The following PRKN variants were observed in gnomAD, a reference collection of about 807,000 sequenced individuals.
The protein encoded by PRKN is parkin RBR E3 ubiquitin protein ligase.
A neutral mutation model predicts 59.5 loss-of-function variants in PRKN; 56 were observed. The observed-to-expected ratio is 0.94, with a 90% CI of 0.76 to 1.18. PRKN has a LOEUF of 1.18. Ranked by LOEUF, PRKN falls within the 50% of genes most tolerant of loss-of-function variation. The pLI is 0.00. For missense variants in PRKN, 657 were observed against 596.4 expected (o/e 1.10, Z -1.06); for synonymous variants, 250 against 222.1 (o/e 1.13, Z -1.12).
chr6:161,513,326 C>T (rs1347064277), intron 9 of PRKN, among the ~76,000 whole-genome samples: 1 of 152,090 alleles, frequency 6.6e-6, no homozygotes, highest in African/African-American at 2.4e-5. Flanking sequence ...CTGCAACCTC[C>T]GCCCCCCGGG....
chr6:162,647,137 A>G (rs1778214494), intron 1 of PRKN, among the ~76,000 whole-genome samples: 1 of 152,060 alleles, frequency 6.6e-6, no homozygotes, highest in Non-Finnish European at 1.5e-5. Context: ...GCAATTTCTC[A>G]TCATTCTCTC....
chr6:162,530,905 T>A (rs2846493), intron 1 of PRKN, among the ~76,000 whole-genome samples: 52,824 of 150,410 alleles, frequency 0.35, 10,966 homozygotes, highest in Middle Eastern at 0.5. Flanking sequence ...AAAATACAAA[T>A]AATTAGCAGG....
rs190851207 is a variant in PRKN at position 161,981,592 on chromosome 6, C to T, written c.619-8175G>A. On this transcript the variant is annotated intron_variant, in intron 5 of 11. Transcript: ENST00000366898. ...TAACCACAACATTCTCTACCTAATA[C>T]ATAAAAAAAGCCTTTAAAATAGCCA... 8.1e-4 allele frequency among the ~76,000 whole-genome samples: 123 copies of T among 152,190 alleles called. No individual in the cohort carries two copies. In the Middle Eastern group the frequency reaches 0.014, roughly 17 times the overall value.
rs1431179302 is a variant in PRKN at position 161,856,365 on chromosome 6, T to TAAAG, written c.735-70458_735-70457insCTTT. ...ATGAGAGTGAAATGCCATCTCAAAA[T>TAAAG]AAATAAATAAATAAATAAATAAGAT... is the stretch of plus-strand genomic sequence containing the variant. On this transcript the variant is annotated intron_variant, in intron 6 of 11. Coordinates refer to ENST00000366898, the MANE Select transcript of PRKN (RefSeq NM_004562.3). Among the ~76,000 whole-genome samples, 12 of 151,374 alleles carry TAAAG rather than the reference T, an allele frequency of 7.9e-5. No individual in the cohort carries two copies. In the East Asian group the frequency reaches 1.6e-3, roughly 20 times the overall value.
In PRKN at chr6:162,406,505, C is replaced by CT. The variant is rs1788081316; in HGVS notation, c.171+36804dup. ...CATTTCCTAGCTACATTTGACCTCT[C>CT]TGTTTCAATGTATCTGTGTAGCAAA... On this transcript the variant is annotated intron_variant, in intron 2 of 11. Transcript: ENST00000366898. Among the ~76,000 whole-genome samples, 7 of 152,306 alleles carry CT rather than the reference C, an allele frequency of 4.6e-5. No individual in the cohort carries two copies. The South Asian group carries it at 1.5e-3, about 32-fold the overall frequency.
intron 5 of PRKN, among the ~76,000 whole-genome samples, chr6:162,023,230 G>C (rs1205199535): frequency 6.6e-6 from 1 of 152,088 alleles, no homozygotes. Context: ...GTTACAGGGT[G>C]TTCTCTTAGT....
intron 4 of PRKN, among the ~76,000 whole-genome samples, chr6:162,070,823 G>A (rs1778544260): frequency 6.6e-6 from 1 of 152,102 alleles, no homozygotes; most frequent in South Asian, 2.1e-4. Context: ...GGGCTGTAAT[G>A]CTCGCTCGCC....
At chr6:161,885,036 A>G (rs1176903611) in intron 6 of PRKN, among the ~76,000 whole-genome samples, 1 of 151,848 alleles carries the variant, frequency 6.6e-6, no homozygotes, top group Non-Finnish European at 1.5e-5. Context: ...TTTGCTATTC[A>G]TGAACGTAGT....
intron 2 of PRKN, among the ~76,000 whole-genome samples, chr6:162,383,577 A>C (rs1786615138): frequency 6.6e-6 from 1 of 152,298 alleles, no homozygotes; most frequent in Admixed American, 6.5e-5. Flanking sequence ...GAGTAGATTC[A>C]GCATAATCCT....
At chr6:161,785,715 A>C in intron 7 of PRKN, 57 bp downstream of exon 7, 1 of 1,565,350 alleles carries the variant, frequency 6.4e-7, no homozygotes, top group Non-Finnish European at 8.8e-7. Context: ...TACATCAATA[A>C]TTGTTCTTCT....
chr6:162,529,947 T>C (rs768203594), intron 1 of PRKN, among the ~76,000 whole-genome samples: 3 of 151,940 alleles, frequency 2.0e-5, no homozygotes, highest in Non-Finnish European at 2.9e-5. Context: ...CTTACCAACA[T>C]GGAGAAACCC....
chr6:161,451,480 C>G lies in PRKN; in HGVS notation c.1084-64603G>C, dbSNP rs542708256. ...AACAGACTCCATCAACAGGAGGCAA[C>G]GCAGCCTCAGGATACCACCTGCCCA... On this transcript the variant is annotated intron_variant, in intron 9 of 11. Coordinates refer to ENST00000366898, the MANE Select transcript of PRKN (RefSeq NM_004562.3). The surrounding 1 kb of genome is among the most constrained non-coding windows in gnomAD (Gnocchi z 5.9). Among the ~76,000 whole-genome samples the G allele has an allele frequency of 2.0e-5, 3 of 152,272 alleles. No homozygotes were observed. The highest frequency in any genetic ancestry group is 4.1e-4 in the South Asian group (2 of 4,826).
rs1786609731 is a variant in PRKN at position 161,393,510 on chromosome 6, A to G, written c.1084-6633T>C. Among the ~76,000 whole-genome samples, 1 of 152,070 alleles carries G rather than the reference A, an allele frequency of 6.6e-6. No individual in the cohort carries two copies. The highest frequency in any genetic ancestry group is 1.5e-5 in the Non-Finnish European group (1 of 68,028). ...GAATGGCCCATCATGCCTCTCATTC[A>G]ATATCATGTCAGTGCAGTAGTCATT... On this transcript the variant is annotated intron_variant, in intron 9 of 11. Coordinates refer to ENST00000366898, the MANE Select transcript of PRKN (RefSeq NM_004562.3). The surrounding 1 kb of genome is among the most constrained non-coding windows in gnomAD (Gnocchi z 4.7).
chr6:161,397,310 A>G lies in PRKN; in HGVS notation c.1084-10433T>C, dbSNP rs1786808226. Among the ~76,000 whole-genome samples the G allele has an allele frequency of 1.3e-5, 2 of 152,192 alleles. No individual in the cohort carries two copies. Among genetic ancestry groups the G allele is most frequent in the Admixed American group, 1.3e-4 (2 of 15,286 alleles). On this transcript the variant is annotated intron_variant, in intron 9 of 11. Coordinates refer to ENST00000366898, the MANE Select transcript of PRKN (RefSeq NM_004562.3). This position sits in a 1 kb window ranked among gnomAD's most constrained non-coding sequence, Gnocchi z 4.2. ...TAAAGCATAAAAGAGCTGAAGGACA[A>G]TTGTGTACTCCATGATACAATGCAC... is the stretch of plus-strand genomic sequence containing the variant.
At chr6:162,275,438 A>C (rs1327898257) in intron 2 of PRKN, 2 of 152,194 alleles carry the variant, frequency 1.3e-5, no homozygotes, top group Non-Finnish European at 2.9e-5. Context: ...CATTTTCAAA[A>C]TAAGTTGACT....
chr6:162,544,268 A>G (rs1417694049), intron 1 of PRKN, among the ~76,000 whole-genome samples: 1 of 152,178 alleles, frequency 6.6e-6, no homozygotes, highest in Non-Finnish European at 1.5e-5. Context: ...AGGTAACATC[A>G]CTGCACTGAG....
chr6:162,439,214 T>G (rs965091436), intron 2 of PRKN, among the ~76,000 whole-genome samples: 1 of 152,142 alleles, frequency 6.6e-6, no homozygotes, highest in Non-Finnish European at 1.5e-5. Flanking sequence ...ATTGTCTAAA[T>G]GTTTTCTATG....
intron 7 of PRKN, among the ~76,000 whole-genome samples, chr6:161,616,087 C>G (rs1782682280): frequency 6.6e-6 from 1 of 152,190 alleles, no homozygotes; most frequent in African/African-American, 2.4e-5. Context: ...GATGCACTGA[C>G]TTTGATGCTC....
intron 9 of PRKN, among the ~76,000 whole-genome samples, chr6:161,540,423 A>G (rs1474391535): frequency 1.3e-5 from 2 of 152,220 alleles, no homozygotes; most frequent in Non-Finnish European, 2.9e-5. Flanking sequence ...CCATAAAAAT[A>G]TATATCAATG....
Sources: allele counts gnomAD v4.1 joint callset (sites outside exome capture counted in the v4.1 genomes callset), GRCh38; gene constraint gnomAD v4.1.1; non-coding constraint Gnocchi (gnomAD v3.1); transcripts MANE v1.5; gene names NCBI Gene and HGNC (gene_info 2026-07-23, HGNC 2026-07-21).